Variants in SLC26A9 observed in about 807,000 individuals in gnomAD.
SLC26A9 encodes the protein solute carrier family 26 member 9, also known as anion transporter/exchanger protein 9.
A neutral mutation model predicts 87.1 loss-of-function variants in SLC26A9; 46 were observed. The observed-to-expected ratio is 0.53, with a 90% CI of 0.42 to 0.67. The LOEUF (loss-of-function observed/expected upper bound fraction) is 0.67, where lower values mean the gene tolerates loss of function less well. Ranked by LOEUF, SLC26A9 falls within the 30% of genes least tolerant of loss-of-function variation. The pLI, the probability that SLC26A9 is intolerant of heterozygous loss-of-function variation, is 0.00. For missense variants in SLC26A9, 927 were observed against 1,018.3 expected (o/e 0.91, Z 1.22); for synonymous variants, 437 against 409.1 (o/e 1.07, Z -0.82).
intron 19 of SLC26A9, among the ~76,000 whole-genome samples, chr1:205,917,829 C>T (rs1328197020): frequency 2.6e-5 from 4 of 152,098 alleles, no homozygotes; most frequent in East Asian, 1.9e-4. Flanking sequence ...ATTTATAAGT[C>T]TATGACTAAT....
In SLC26A9 at chr1:205,915,024, GT is replaced by G. The variant is rs1658518865; in HGVS notation, c.*332del. On this transcript the variant is annotated 3_prime_UTR_variant, in exon 21 of 21. Transcript: ENST00000367135. ...TTTGGCTCACTCGTAAAAGCTGGAA[GT>G]CAAGGTGTCCTTCAGCTGCCAAGGA... The G allele has an allele frequency of 1.2e-6, 2 of 1,614,220 alleles. No homozygotes were observed. Among genetic ancestry groups the G allele is most frequent in the East Asian group, 4.5e-5 (2 of 44,890 alleles).
Position 205,927,965 on chromosome 1 carries a change from GAC to G in SLC26A9, c.1036_1037del (p.Val346HisfsTer37). The G allele has an allele frequency of 6.2e-7, 1 of 1,614,190 alleles. No homozygotes were observed. The highest frequency in any genetic ancestry group is 8.5e-7 in the Non-Finnish European group (1 of 1,180,014). Reference protein sequence around the residue: ...TAFSLAIVSYVINLAMGRTLA... With the variant: ...TAFSLAIVSYXINLAMGRTLA... ...GGGTCCGGCCCATAGCCAGGTTGAT[GAC>G]GTAGCTCACGATGGCTAGGGAGAAG... On this transcript the variant is annotated frameshift_variant, in exon 9 of 21. Coordinates refer to ENST00000367135, the MANE Select transcript of SLC26A9 (RefSeq NM_052934.4). LOFTEE classifies it high-confidence loss of function.
intron 5 of SLC26A9, among the ~76,000 whole-genome samples, chr1:205,931,518 G>A (rs1042989133): frequency 1.4e-4 from 19 of 133,436 alleles, no homozygotes; most frequent in Middle Eastern, 4.1e-3. Flanking sequence ...CCAGGCTGGA[G>A]TGCAGTGGCG....
At chr1:205,926,711 T>C (rs1571741668) in intron 11 of SLC26A9, 81 bp from the exon 12 acceptor site, 17 of 1,134,714 alleles carry the variant, frequency 1.5e-5, no homozygotes, top group East Asian at 2.4e-5. Flanking sequence ...CCCCAAGGCC[T>C]GGCAGGACAG....
intron 13 of SLC26A9, among the ~76,000 whole-genome samples, 155 bp from the exon 14 acceptor site, chr1:205,923,768 A>G (rs1658945722): frequency 6.6e-6 from 1 of 152,170 alleles, no homozygotes; most frequent in Non-Finnish European, 1.5e-5. Context: ...CTGGAGACAC[A>G]TGTCTGGTGG....
intron 1 of SLC26A9, among the ~76,000 whole-genome samples, chr1:205,941,242 C>T (rs1319151113): frequency 6.6e-6 from 1 of 152,196 alleles, no homozygotes; most frequent in Non-Finnish European, 1.5e-5. Flanking sequence ...GATCTTGGCT[C>T]ACCACAGGGT....
At position 205,924,453 on chromosome 1, in the gene SLC26A9, G is replaced by C. The variant is rs141683821; in HGVS notation, c.1426C>G (p.Leu476Val). ...ACTGCCACACCATAGGGCAGGCTGA[G>C]GAAGAAGGAGGAGAGGAAGCTCACT... ...WVVSFLSSFF[L>V]SLPYGVAVGV... The change falls in exon 13 of 21, where the codon CTC becomes GTC. Residue 476 changes from leucine (L) to valine (V), a missense_variant. By Grantham distance (32) the Leu-to-Val change is conservative (BLOSUM62 1). Coordinates refer to ENST00000367135, the MANE Select transcript of SLC26A9 (RefSeq NM_052934.4). The C allele has an allele frequency of 1.6e-5, 26 of 1,614,094 alleles. No individual in the cohort carries two copies. The highest frequency in any genetic ancestry group is 2.2e-5 in the East Asian group (1 of 44,894).
At chr1:205,915,552 G>C in intron 20 of SLC26A9, 148 bp from the exon 21 acceptor site, 1 of 1,121,130 alleles carries the variant, frequency 8.9e-7, no homozygotes, top group South Asian at 1.5e-5. Context: ...GTGTGTGCGA[G>C]AGTGTGTGTG....
intron 10 of SLC26A9, 80 bp from the exon 11 acceptor site, chr1:205,927,368 G>T: frequency 6.4e-7 from 1 of 1,573,308 alleles, no homozygotes; most frequent in Non-Finnish European, 8.7e-7. Flanking sequence ...TGGCTTTGGT[G>T]GAGTGGAGAC....
rs773397958 is a variant in SLC26A9 at position 205,927,220 on chromosome 1, A to T, written c.1284T>A (p.Pro428=). 6.2e-7 allele frequency: 1 copy of T among 1,613,888 alleles called. No homozygotes were observed. ...ATGGCTGGGCTCTTACCTTAGGGAG[A>T]GGATACAGATAGATCCCCAGGACCA... ...TMLVLGIYLY[P]LPKSVLGALI... is the part of the protein sequence containing the mutation. Residue 428 remains proline (P), a synonymous_variant, in exon 11 of 21, where the codon CCT becomes CCA. Coordinates refer to ENST00000367135, the MANE Select transcript of SLC26A9 (RefSeq NM_052934.4).
chr1:205,924,676 C>A, intron 12 of SLC26A9, 187 bp from the exon 13 acceptor site: 1 of 560,092 alleles, frequency 1.8e-6, no homozygotes. Context: ...TTCCTCTTTC[C>A]CTTAGATTGA....
intron 5 of SLC26A9, among the ~76,000 whole-genome samples, chr1:205,931,233 A>G (rs193193857): frequency 6.6e-6 from 1 of 152,322 alleles, no homozygotes; most frequent in African/African-American, 2.4e-5. Flanking sequence ...GAGGGATGTT[A>G]GAGAAAATTA....
intron 16 of SLC26A9, among the ~76,000 whole-genome samples, chr1:205,922,630 C>T (rs1658890071): frequency 6.6e-6 from 1 of 152,192 alleles, no homozygotes; most frequent in African/African-American, 2.4e-5. Context: ...AGGCTGGGCG[C>T]AGTGGCTCAG....
At position 205,923,143 on chromosome 1, in the gene SLC26A9, T is replaced by A. The variant is rs1658911900; in HGVS notation, c.1712A>T (p.Lys571Met). The A allele has an allele frequency of 2.5e-6, 4 of 1,614,060 alleles. No homozygotes were observed. The highest frequency in any genetic ancestry group is 3.4e-6 in the Non-Finnish European group (4 of 1,180,034). ...VLLAKQKYLK[K>M]QEKRRMRPTQ... ...GGGCCTCATTCTCCGCTTCTCCTGC[T>A]TCTTGAGGTATTTTTGCTTGGCTAG... is the stretch of plus-strand genomic sequence containing the variant. Residue 571 changes from lysine to methionine, a missense_variant, in exon 16 of 21, where the codon AAG becomes ATG. Lys to Met is a moderately conservative substitution (Grantham distance 95). Coordinates refer to ENST00000367135, the MANE Select transcript of SLC26A9 (RefSeq NM_052934.4).
intron 8 of SLC26A9, chr1:205,928,507 C>A: frequency 2.2e-6 from 1 of 452,614 alleles, no homozygotes; most frequent in Non-Finnish European, 4.0e-6. Context: ...TCCCTTTCTA[C>A]ATGGACAAAG....
chr1:205,920,294 G>A (rs1014805355), intron 17 of SLC26A9, 64 bp from the exon 18 acceptor site: 1 of 1,599,576 alleles, frequency 6.3e-7, no homozygotes, highest in African/African-American at 1.3e-5. Context: ...TCTCAAAAGT[G>A]ATTCACAAAA....
intron 5 of SLC26A9, among the ~76,000 whole-genome samples, chr1:205,930,515 C>T (rs1472769256): frequency 1.3e-5 from 2 of 152,144 alleles, no homozygotes; most frequent in Non-Finnish European, 2.9e-5. Flanking sequence ...TGGGCCTCTG[C>T]AGAGTCTCCC....
intron 2 of SLC26A9, among the ~76,000 whole-genome samples, chr1:205,933,948 A>ATGAC (rs1166803406): frequency 6.6e-6 from 1 of 152,152 alleles, no homozygotes. Context: ...CGGTGGATTG[A>ATGAC]TGACTGGAAG....
rs777021897 is a variant in SLC26A9, at chr1:205,923,421, C to A, written c.1573G>T (p.Asp525Tyr). ...VNPKTYNRAQ[D>Y]IQGIKIITYC... ...GTGATGATTTTAATCCCCTGGATAT[C>A]CTGGGCCTGTGACAGGGAGACTGAG... Residue 525 changes from aspartate to tyrosine, a missense_variant, in exon 15 of 21, where the codon GAT becomes TAT. Transcript: ENST00000367135. The A allele has an allele frequency of 2.5e-6, 4 of 1,614,176 alleles. No individual in the cohort carries two copies. The East Asian group carries it at 8.9e-5, about 36-fold the overall frequency.
Sources: allele counts gnomAD v4.1 joint callset (sites outside exome capture counted in the v4.1 genomes callset), GRCh38; gene constraint gnomAD v4.1.1; transcripts MANE v1.5; gene names NCBI Gene and HGNC (gene_info 2026-07-23, HGNC 2026-07-21).